Variants in COL6A5 observed in about 807,000 individuals in gnomAD.
The protein encoded by COL6A5 is collagen alpha-5(VI) chain.
Under a neutral mutation model 65.6 loss-of-function variants are expected in COL6A5, and 48 were observed. The ratio of observed to expected loss-of-function variants is 0.73; its 90% CI spans 0.58 to 0.93. The LOEUF is 0.93. Ranked by LOEUF, COL6A5 falls within the 40% of genes least tolerant of loss-of-function variation. The pLI, the probability that COL6A5 is intolerant of heterozygous loss-of-function variation, is 0.00. For missense variants in COL6A5, 914 were observed against 928.3 expected (o/e 0.98, Z 0.20); for synonymous variants, 291 against 322.8 (o/e 0.90, Z 1.05).
At chr3:130,391,233 G>A (rs1354620311) in exon 7 of COL6A5, 1 of 1,551,510 alleles carries the variant, frequency 6.4e-7, no homozygotes, top group East Asian at 2.4e-5. Flanking sequence ...CATTCAGGTA[G>A]CATAAAAAAA....
intron 4 of COL6A5, among the ~76,000 whole-genome samples, chr3:130,454,103 A>G (rs995014212): frequency 2.0e-5 from 3 of 152,202 alleles, no homozygotes; most frequent in Non-Finnish European, 2.9e-5. Context: ...AATATTATAC[A>G]CTTATAGTTC....
chr3:130,432,839 G>A (rs946222491), intron 1 of COL6A5, among the ~76,000 whole-genome samples: 7 of 152,116 alleles, frequency 4.6e-5, no homozygotes, highest in African/African-American at 1.7e-4. Flanking sequence ...TCCCAAAAGA[G>A]GTCCTGTCAC....
At chr3:130,472,174 G>A (rs1462207424) in intron 7 of COL6A5, among the ~76,000 whole-genome samples, 2 of 152,070 alleles carry the variant, frequency 1.3e-5, no homozygotes, top group African/African-American at 4.8e-5. Context: ...TGGGGAAGTT[G>A]GAGGGGCAAG....
intron 12 of COL6A5, among the ~76,000 whole-genome samples, chr3:130,402,492 A>G (rs1190622729): frequency 6.6e-6 from 1 of 152,272 alleles, no homozygotes; most frequent in Non-Finnish European, 1.5e-5. Flanking sequence ...AACTTTTACT[A>G]ACATGGTAAT....
chr3:130,387,891 A>G (rs1296131827), intron 5 of COL6A5, among the ~76,000 whole-genome samples: 2 of 151,908 alleles, frequency 1.3e-5, no homozygotes, highest in Non-Finnish European at 2.9e-5. Context: ...ACATATGTCT[A>G]TATTATACAT....
chr3:130,358,950 A>C (rs1490377711), intron 1 of COL6A5, among the ~76,000 whole-genome samples: 1 of 152,206 alleles, frequency 6.6e-6, no homozygotes, highest in East Asian at 1.9e-4. Flanking sequence ...TTGATTAAAT[A>C]AACATTGATA....
intron 12 of COL6A5, among the ~76,000 whole-genome samples, chr3:130,403,294 C>G (rs977554464): frequency 1.3e-5 from 2 of 152,172 alleles, no homozygotes; most frequent in African/African-American, 4.8e-5. Flanking sequence ...AGGGTTGTGG[C>G]TGGTACAGCT....
At chr3:130,356,893 AG>A (rs1425011837) in intron 1 of COL6A5, among the ~76,000 whole-genome samples, 2 of 152,216 alleles carry the variant, frequency 1.3e-5, no homozygotes, top group African/African-American at 4.8e-5. Context: ...ATTACCACAT[AG>A]GAAAGAATAG....
At chr3:130,391,555 T>C in exon 7 of COL6A5, 1 of 1,551,666 alleles carries the variant, frequency 6.4e-7, no homozygotes, top group Non-Finnish European at 8.7e-7. Flanking sequence ...CCCATGACCA[T>C]GATCAGCTCA....
intron 4 of COL6A5, among the ~76,000 whole-genome samples, chr3:130,449,076 A>C (rs750344739): frequency 1.3e-5 from 2 of 152,194 alleles, no homozygotes; most frequent in Non-Finnish European, 2.9e-5. Flanking sequence ...AGAAGATTCC[A>C]CATTTCCAAG....
At chr3:130,366,648 G>T (rs1266697076) in intron 1 of COL6A5, among the ~76,000 whole-genome samples, 1 of 152,176 alleles carries the variant, frequency 6.6e-6, no homozygotes, top group Admixed American at 6.5e-5. Context: ...AAGGGCTTTT[G>T]TATATTTCCT....
exon 3 of COL6A5, chr3:130,376,249 T>TCAAA: frequency 1.2e-6 from 2 of 1,603,168 alleles, no homozygotes; most frequent in Non-Finnish European, 1.7e-6. Flanking sequence ...CCAGGCCCTG[T>TCAAA]GTATGCAGAT....
chr3:130,402,879 A>G (rs187830975), intron 12 of COL6A5, among the ~76,000 whole-genome samples: 9 of 152,322 alleles, frequency 5.9e-5, no homozygotes, highest in Admixed American at 5.9e-4. Context: ...TTCTTTAAAA[A>G]AAAGAGATCA....
At chr3:130,369,652 A>T (rs960541931) in intron 1 of COL6A5, among the ~76,000 whole-genome samples, 2 of 152,222 alleles carry the variant, frequency 1.3e-5, no homozygotes, top group African/African-American at 4.8e-5. Flanking sequence ...GATATTTTTG[A>T]CCAAAGGAAT....
intron 2 of COL6A5, among the ~76,000 whole-genome samples, chr3:130,375,602 A>G (rs530488518): frequency 6.6e-6 from 1 of 152,150 alleles, no homozygotes; most frequent in Non-Finnish European, 1.5e-5. Flanking sequence ...ACTTTGGCCC[A>G]TTCTTACACT....
At chr3:130,443,348 C>G in intron 3 of COL6A5, 128 bp from the exon 36 acceptor site, 1 of 624,480 alleles carries the variant, frequency 1.6e-6, no homozygotes, top group South Asian at 2.4e-5. Context: ...GTTTTCACCC[C>G]AGCCAAATTT....
chr3:130,415,841 A>G (rs946485086), intron 23 of COL6A5, 134 bp downstream of exon 23: 2 of 662,488 alleles, frequency 3.0e-6, no homozygotes. Context: ...CTGGGGCAAA[A>G]TTCTAGCGCA....
chr3:130,399,071 T>C (rs187077426), intron 10 of COL6A5, among the ~76,000 whole-genome samples: 1 of 152,352 alleles, frequency 6.6e-6, no homozygotes, highest in Admixed American at 6.5e-5. Flanking sequence ...GGAAGCTAAA[T>C]GCAGAAGTTG....
At chr3:130,471,907 T>TAA in intron 7 of COL6A5, 1 of 1,534,610 alleles carries the variant, frequency 6.5e-7, no homozygotes, top group African/African-American at 1.4e-5. Flanking sequence ...TAGTGGTTGA[T>TAA]AAACAGCAAG....
Sources: gnomAD v4.1 joint callset for allele counts (sites outside exome capture counted in the v4.1 genomes callset) on GRCh38, gnomAD v4.1.1 for gene constraint, MANE v1.5 for transcripts, NCBI Gene and HGNC (gene_info 2026-07-23, HGNC 2026-07-21) for gene names.